CTLA4: variants seen among roughly 807,000 people sequenced by gnomAD.
The protein encoded by CTLA4 is cytotoxic T-lymphocyte protein 4.
Under a neutral mutation model 20.4 loss-of-function variants are expected in CTLA4, and 3 were observed. That is an observed-to-expected ratio of 0.15 (90% CI 0.07 to 0.38). The LOEUF (loss-of-function observed/expected upper bound fraction) is 0.38, where lower values mean the gene tolerates loss of function less well. CTLA4 is among the 10% of genes least tolerant of loss of function. The pLI is 1.00. For synonymous variants in CTLA4, 100 were observed against 105.2 expected (o/e 0.95, Z 0.30); for missense variants, 184 against 276.8 (o/e 0.66, Z 2.38).
intron 1 of CTLA4, among the ~76,000 whole-genome samples, chr2:203,868,260 G>A (rs1271297975): frequency 1.3e-5 from 2 of 152,298 alleles, no homozygotes; most frequent in Non-Finnish European, 1.5e-5. Flanking sequence ...AGAACAGAGC[G>A]CCAGGTATTT....
At chr2:203,868,737 C>T (rs1256368161) in intron 1 of CTLA4, among the ~76,000 whole-genome samples, 5 of 152,102 alleles carry the variant, frequency 3.3e-5, no homozygotes, top group African/African-American at 7.2e-5. Flanking sequence ...GCCTGACCTA[C>T]GTGTGGGTTT....
rs748599835 is a variant in CTLA4 at position 203,867,988 on chromosome 2, G to A, written c.46G>A (p.Ala16Thr). 6.2e-7 allele frequency: 1 copy of A among 1,614,128 alleles called. No individual in the cohort carries two copies. The highest frequency in any genetic ancestry group is 8.5e-7 in the Non-Finnish European group (1 of 1,179,998). ...FQRHKAQLNLATRTWPCTLLF... is the reference protein window; with the variant it reads ...FQRHKAQLNLTTRTWPCTLLF... ...GCGGCACAAGGCTCAGCTGAACCTG[G>A]CTACCAGGACCTGGCCCTGCACTCT... Residue 16 changes from alanine to threonine, a missense_variant, in exon 1 of 4, where the codon GCT becomes ACT. This residue lies in a region of CTLA4 where 35 missense variants were observed against 36.6 expected (regional missense o/e 0.96). Transcript: ENST00000648405.
Position 203,868,593 on chromosome 2 carries a change from G to C in CTLA4, c.109+542G>C, listed in dbSNP as rs546197304. Among the ~76,000 whole-genome samples the C allele has an allele frequency of 4.0e-4, 61 of 151,952 alleles. 1 individual carries two copies. The highest frequency in any genetic ancestry group is 1.4e-3 in the African/African-American group (59 of 41,460). ...TCTTTACTTAATTCAAGGTTTTAAG[G>C]TTCTCTTAATCAATTCTACTAGCTA... On this transcript the variant is annotated intron_variant, in intron 1 of 3. Transcript: ENST00000648405.
rs765325921 is a variant in CTLA4 at position 203,870,635 on chromosome 2, C to T, written c.159C>T (p.Ile53=). The T allele has an allele frequency of 3.7e-6, 6 of 1,614,168 alleles. No individual in the cohort carries two copies. The highest frequency in any genetic ancestry group is 2.2e-5 in the South Asian group (2 of 91,072). ...TGGTACTGGCCAGCAGCCGAGGCAT[C>T]GCCAGCTTTGTGTGTGAGTATGCAT... ...PAVVLASSRG[I]ASFVCEYASP... The change falls in exon 2 of 4, where the codon ATC becomes ATT. Residue 53 remains isoleucine (I), a synonymous_variant. Transcript: ENST00000648405. The surrounding 1 kb of genome is among the most constrained non-coding windows in gnomAD (Gnocchi z 5.3).
At chr2:203,868,633 TA>T (rs1200661136) in intron 1 of CTLA4, among the ~76,000 whole-genome samples, 1 of 151,526 alleles carries the variant, frequency 6.6e-6, no homozygotes, top group East Asian at 1.9e-4. Context: ...GCCAATTATT[TA>T]AAAATAAAAG....
At chr2:203,871,318 G>T in intron 2 of CTLA4, 60 bp from the exon 3 acceptor site, 1 of 1,418,596 alleles carries the variant, frequency 7.0e-7, no homozygotes, top group Non-Finnish European at 9.9e-7. Flanking sequence ...CAATGTTGGG[G>T]AGTAGAGCCC....
chr2:203,870,684 C>T lies in CTLA4; in HGVS notation c.208C>T (p.Arg70Trp), dbSNP rs606231422. 1 of 1,614,144 alleles carries T rather than the reference C, an allele frequency of 6.2e-7. No homozygotes were observed. The highest frequency in any genetic ancestry group is 8.5e-7 in the Non-Finnish European group (1 of 1,180,026). The change falls in exon 2 of 4, where the codon CGG becomes TGG. Residue 70 changes from arginine to tryptophan, a missense_variant. This residue lies in a region of CTLA4 where 147 missense variants were observed against 223.4 expected (regional missense o/e 0.66). Coordinates refer to ENST00000648405, the MANE Select transcript of CTLA4 (RefSeq NM_005214.5). The surrounding 1 kb of genome is among the most constrained non-coding windows in gnomAD (Gnocchi z 5.3). ...YASPGKATEV[R>W]VTVLRQADSQ... ...ATCTCCAGGCAAAGCCACTGAGGTC[C>T]GGGTGACAGTGCTTCGGCAGGCTGA...
At position 203,871,413 on chromosome 2, in the gene CTLA4, T is replaced by C. The variant is rs1396254904; in HGVS notation, c.493T>C (p.Trp165Arg). 3.1e-6 allele frequency: 5 copies of C among 1,614,108 alleles called. 1 individual carries two copies. The South Asian group carries it at 5.5e-5, about 18-fold the overall frequency. Residue 165 changes from tryptophan (W) to arginine (R), a missense_variant, in exon 3 of 4, where the codon TGG becomes CGG. This residue lies in a region of CTLA4 where 147 missense variants were observed against 223.4 expected (regional missense o/e 0.66). Transcript: ENST00000648405. ...GTGCCCAGATTCTGACTTCCTCCTC[T>C]GGATCCTTGCAGCAGTTAGTTCGGG... The part of the protein sequence containing the change: ...EPCPDSDFLL[W>R]ILAAVSSGLF...
At position 203,871,288 on chromosome 2, in the gene CTLA4, C is replaced by G. The variant is rs532544606; in HGVS notation, c.458-90C>G. The G allele has an allele frequency of 9.4e-5, 108 of 1,151,772 alleles. No homozygotes were observed. In the Admixed American group the frequency reaches 1.1e-3, roughly 12 times the overall value. The allele number at this position is 1,151,772 out of a possible 1,614,324, so 71.3% of individuals were successfully genotyped here. A position where few individuals can be genotyped will look rare whatever the true frequency, so the allele number is the denominator to read the frequency against. ...AGGGGTGGACCTCAAGGCCTGGAAG[C>G]TCTAATGTCCTTTTTTCACCAATGT... On this transcript the variant is annotated intron_variant, in intron 2 of 3. Coordinates refer to ENST00000648405, the MANE Select transcript of CTLA4 (RefSeq NM_005214.5).
Position 203,867,950 on chromosome 2 carries a change from G to T in CTLA4, c.8G>T (p.Cys3Phe), listed in dbSNP as rs1289408071. Residue 3 changes from cysteine (C) to phenylalanine (F), a missense_variant, in exon 1 of 4, where the codon TGC becomes TTC. Cys to Phe is a radical substitution (Grantham distance 205). This residue lies in a region of CTLA4 where 35 missense variants were observed against 36.6 expected (regional missense o/e 0.96). Transcript: ENST00000648405. ...CACCGCTCCCATAAAGCCATGGCTT[G>T]CCTTGGATTTCAGCGGCACAAGGCT... MA[C>F]LGFQRHKAQL... is the part of the protein sequence containing the mutation. 1.9e-6 allele frequency: 3 copies of T among 1,614,034 alleles called. No homozygotes were observed. The Admixed American group carries it at 5.0e-5, about 27-fold the overall frequency.
At position 203,870,651 on chromosome 2, in the gene CTLA4, G is replaced by A; in HGVS notation, c.175G>A (p.Glu59Lys). 1 of 1,614,254 alleles carries A rather than the reference G, an allele frequency of 6.2e-7. No homozygotes were observed. The change falls in exon 2 of 4, where the codon GAG (glutamate) becomes AAG (lysine). Residue 59 changes from glutamate (E) to lysine (K), a missense_variant. Physicochemically the swap from Glu to Lys is moderately conservative, Grantham distance 56. Around this residue, in one of 3 missense-constraint regions of CTLA4, gnomAD observed 147 missense variants for 223.4 expected, o/e 0.66. Transcript: ENST00000648405. This position sits in a 1 kb window ranked among gnomAD's most constrained non-coding sequence, Gnocchi z 5.3. ...CCGAGGCATCGCCAGCTTTGTGTGTGAGTATGCATCTCCAGGCAAAGCCAC... is the reference window on the plus strand; with the variant it reads ...CCGAGGCATCGCCAGCTTTGTGTGTAAGTATGCATCTCCAGGCAAAGCCAC... ...SSRGIASFVC[E>K]YASPGKATEV...
In CTLA4 at chr2:203,870,476, A is replaced by AG. The variant is rs1054548590; in HGVS notation, c.110-104dup. On this transcript the variant is annotated intron_variant, in intron 1 of 3. Coordinates refer to ENST00000648405, the MANE Select transcript of CTLA4 (RefSeq NM_005214.5). This position sits in a 1 kb window ranked among gnomAD's most constrained non-coding sequence, Gnocchi z 5.3. ...AAGGGGTAAGTGATAGATTCGTTGAAGGGGGGAGAAAAGGCCGTGGGGATG... is the reference window on the plus strand; with the variant it reads ...AAGGGGTAAGTGATAGATTCGTTGAAGGGGGGGAGAAAAGGCCGTGGGGATG... 1.9e-6 allele frequency: 2 copies of AG among 1,080,524 alleles called. No individual in the cohort carries two copies. Among genetic ancestry groups the AG allele is most frequent in the Non-Finnish European group, 1.3e-6 (1 of 776,708 alleles). The allele number at this position is 1,080,524 out of a possible 1,614,324, so 66.9% of individuals were successfully genotyped here. A position where few individuals can be genotyped will look rare whatever the true frequency, so the allele number is the denominator to read the frequency against.
rs927518093 is a variant in CTLA4 at position 203,873,504 on chromosome 2, G to T, written c.*692G>T. On this transcript the variant is annotated 3_prime_UTR_variant, in exon 4 of 4. Coordinates refer to ENST00000648405, the MANE Select transcript of CTLA4 (RefSeq NM_005214.5). ...TGGGTCCCAGGGAAGTTTTGTGGAGGAGCTCAGGACACTAATACACCAGGT... is the reference window on the plus strand; with the variant it reads ...TGGGTCCCAGGGAAGTTTTGTGGAGTAGCTCAGGACACTAATACACCAGGT... 1.8e-5 allele frequency: 4 copies of T among 220,514 alleles called. No individual in the cohort carries two copies. Among genetic ancestry groups the T allele is most frequent in the African/African-American group, 9.1e-5 (4 of 44,056 alleles). 13.7% of individuals were successfully genotyped at this position (220,514 alleles called of 1,614,324 possible).
intron 1 of CTLA4, among the ~76,000 whole-genome samples, chr2:203,869,832 C>T (rs1688696491): frequency 6.6e-6 from 1 of 152,100 alleles, no homozygotes; most frequent in Non-Finnish European, 1.5e-5. Flanking sequence ...TGGGAGTGTT[C>T]AAGGGAAGGA....
rs1016499884 is a variant in CTLA4 at position 203,870,490 on chromosome 2, G to T, written c.110-96G>T. 5.2e-6 allele frequency: 7 copies of T among 1,351,448 alleles called. No individual in the cohort carries two copies. Among genetic ancestry groups the T allele is most frequent in the Non-Finnish European group, 6.1e-6 (6 of 976,696 alleles). The allele number at this position is 1,351,448 out of a possible 1,614,324, so 83.7% of individuals were successfully genotyped here. A position where few individuals can be genotyped will look rare whatever the true frequency, so the allele number is the denominator to read the frequency against. On this transcript the variant is annotated intron_variant, in intron 1 of 3. Coordinates refer to ENST00000648405, the MANE Select transcript of CTLA4 (RefSeq NM_005214.5). This position sits in a 1 kb window ranked among gnomAD's most constrained non-coding sequence, Gnocchi z 5.3. Reference sequence around the variant, plus strand: ...AGATTCGTTGAAGGGGGGAGAAAAGGCCGTGGGGATGAAGCTAGAAGGCAG... The same window carrying T: ...AGATTCGTTGAAGGGGGGAGAAAAGTCCGTGGGGATGAAGCTAGAAGGCAG...
rs1214993375 is a variant in CTLA4, at chr2:203,871,067, A to T, written c.457+134A>T. The T allele has an allele frequency of 4.0e-6, 3 of 742,410 alleles. No homozygotes were observed. In the African/African-American group the frequency reaches 5.3e-5, roughly 13 times the overall value. The allele number at this position is 742,410 out of a possible 1,614,324, so 46.0% of individuals were successfully genotyped here. A position where few individuals can be genotyped will look rare whatever the true frequency, so the allele number is the denominator to read the frequency against. On this transcript the variant is annotated intron_variant, in intron 2 of 3. Coordinates refer to ENST00000648405, the MANE Select transcript of CTLA4 (RefSeq NM_005214.5). ...ATTCTCTTTAAGAGTTCTGTACCAC[A>T]TGGTAGCCTTGCTTATTGTGGGTGG...
At chr2:203,869,098 G>A (rs231778) in intron 1 of CTLA4, among the ~76,000 whole-genome samples, 149,667 of 152,320 alleles carry the variant, frequency 0.98, 73,590 homozygotes, top group Middle Eastern at 1. Context: ...TAGTGGTGAT[G>A]AGTGTGAGCT....
At chr2:203,868,898 C>T (rs574061803) in intron 1 of CTLA4, among the ~76,000 whole-genome samples, 6 of 152,214 alleles carry the variant, frequency 3.9e-5, no homozygotes, top group Admixed American at 6.5e-5. Context: ...GAAGTAGGTA[C>T]TCAAAAGATA....
rs1688704887 is a variant in CTLA4 at position 203,870,312 on chromosome 2, G to A, written c.110-274G>A. 4.1e-6 allele frequency: 2 copies of A among 491,678 alleles called. No homozygotes were observed. The highest frequency in any genetic ancestry group is 5.5e-5 in the South Asian group (2 of 36,692). 30.5% of individuals were successfully genotyped at this position (491,678 alleles called of 1,614,324 possible). On this transcript the variant is annotated intron_variant, in intron 1 of 3. Transcript: ENST00000648405. This position sits in a 1 kb window ranked among gnomAD's most constrained non-coding sequence, Gnocchi z 5.3. ...AATCACATATTTCATGGTAGAGCCA[G>A]GTCTTCTGTTTGTCATATCAGTGTT...
Sources: allele counts gnomAD v4.1 joint callset (sites outside exome capture counted in the v4.1 genomes callset), GRCh38; gene constraint gnomAD v4.1.1; regional missense constraint gnomAD v4.1.1; non-coding constraint Gnocchi (gnomAD v3.1); transcripts MANE v1.5; gene names NCBI Gene and HGNC (gene_info 2026-07-23, HGNC 2026-07-21).